The following ADARB2 variants were observed in gnomAD, a reference collection of about 807,000 sequenced individuals.
ADARB2 encodes the protein adenosine deaminase RNA specific B2 (inactive), also known as inactive double-stranded RNA-specific editase B2.
Under a neutral mutation model 62.2 loss-of-function variants are expected in ADARB2, and 25 were observed. The ratio of observed to expected loss-of-function variants is 0.40; its 90% CI spans 0.29 to 0.56. The LOEUF is 0.56. Ranked by LOEUF, ADARB2 falls within the 20% of genes least tolerant of loss-of-function variation. The pLI is 0.43. For missense variants in ADARB2, 1,071 were observed against 1,077.4 expected, an observed-to-expected ratio of 0.99 and a Z score of 0.08; for synonymous variants, 572 against 500.8, an observed-to-expected ratio of 1.14 and a Z score of -1.90.
chr10:1,289,565 C>T (rs1490376915), intron 3 of ADARB2, among the ~76,000 whole-genome samples: 4 of 152,274 alleles, frequency 2.6e-5, no homozygotes, highest in Non-Finnish European at 5.9e-5. Context: ...GACCAGGGTG[C>T]TCCTGACGGG....
intron 1 of ADARB2, among the ~76,000 whole-genome samples, chr10:1,537,818 G>T (rs1226548951): frequency 6.6e-6 from 1 of 152,060 alleles, no homozygotes; most frequent in Non-Finnish European, 1.5e-5. Context: ...GTCAGGGGGT[G>T]AGGGGTGAGG....
At chr10:1,720,442 C>T (rs534466691) in intron 1 of ADARB2, among the ~76,000 whole-genome samples, 1 of 152,270 alleles carries the variant, frequency 6.6e-6, no homozygotes, top group East Asian at 1.9e-4. Flanking sequence ...CTGAGAAGAT[C>T]CTATACCAAA....
rs139794107 is a variant in ADARB2, at chr10:1,481,349, C to T, written c.101-102189G>A. 2.0e-3 allele frequency among the ~76,000 whole-genome samples: 309 copies of T among 152,232 alleles called. 3 individuals carry two copies. The highest frequency in any genetic ancestry group is 3.7e-3 in the Non-Finnish European group (250 of 68,018). On this transcript the variant is annotated intron_variant, in intron 1 of 9. Coordinates refer to ENST00000381312, the MANE Select transcript of ADARB2 (RefSeq NM_018702.4). ...ATATATGACCTAAAACTATAGAACTCGTAGAAAAGCTCATCAGGGAAAAGC... is the reference window on the plus strand; with the variant it reads ...ATATATGACCTAAAACTATAGAACTTGTAGAAAAGCTCATCAGGGAAAAGC...
chr10:1,516,306 G>A (rs947911897), intron 1 of ADARB2, among the ~76,000 whole-genome samples: 1 of 152,232 alleles, frequency 6.6e-6, no homozygotes, highest in Non-Finnish European at 1.5e-5. Context: ...CGGCAGGTGA[G>A]CTCTGACAGG....
intron 5 of ADARB2, among the ~76,000 whole-genome samples, chr10:1,235,086 G>A (rs1040794055): frequency 6.6e-6 from 1 of 152,002 alleles, no homozygotes; most frequent in Admixed American, 6.6e-5. Context: ...TCCCACTGCT[G>A]TTCGCCCACA....
intron 3 of ADARB2, among the ~76,000 whole-genome samples, chr10:1,352,066 C>G (rs1024454259): frequency 1.1e-4 from 16 of 151,920 alleles, no homozygotes; most frequent in Non-Finnish European, 1.9e-4. Flanking sequence ...ACCCATCAGG[C>G]TCAGCAAATT....
chr10:1,247,929 A>T (rs1205860964), intron 4 of ADARB2, among the ~76,000 whole-genome samples: 1 of 152,168 alleles, frequency 6.6e-6, no homozygotes, highest in Non-Finnish European at 1.5e-5. Context: ...CTGGTTCCCC[A>T]CATGGAGATC....
At chr10:1,317,483 T>G (rs1173608602) in intron 3 of ADARB2, among the ~76,000 whole-genome samples, 1 of 152,202 alleles carries the variant, frequency 6.6e-6, no homozygotes, top group Non-Finnish European at 1.5e-5. Context: ...GGGAAATTAT[T>G]AAACATTTAA....
chr10:1,396,611 CTCCTCTCCCCTCCCGA>C (rs1832616439), intron 1 of ADARB2, among the ~76,000 whole-genome samples: 2 of 148,410 alleles, frequency 1.3e-5, no homozygotes. Flanking sequence ...GGTCACCGTC[CTCCTCTCCCCTCCCGA>C]GTGCAGGCTT....
chr10:1,184,571 G>A (rs745413290), intron 9 of ADARB2, among the ~76,000 whole-genome samples: 50 of 152,218 alleles, frequency 3.3e-4, no homozygotes, highest in Non-Finnish European at 4.4e-4. Flanking sequence ...GGGACACCCC[G>A]AACAAAGCAG....
intron 1 of ADARB2, among the ~76,000 whole-genome samples, chr10:1,638,389 A>G (rs1199673245): frequency 6.6e-6 from 1 of 152,248 alleles, no homozygotes; most frequent in Non-Finnish European, 1.5e-5. Context: ...CTTAGCATTA[A>G]TACAGAAATG....
chr10:1,533,056 T>C (rs1832270525), intron 1 of ADARB2, among the ~76,000 whole-genome samples: 1 of 151,762 alleles, frequency 6.6e-6, no homozygotes, highest in Non-Finnish European at 1.5e-5. Context: ...TCTCATTAGA[T>C]GTTCCTACTG....
At chr10:1,421,118 T>C (rs1187711962) in intron 1 of ADARB2, among the ~76,000 whole-genome samples, 1 of 151,982 alleles carries the variant, frequency 6.6e-6, no homozygotes, top group Non-Finnish European at 1.5e-5. Context: ...GTCCCCAGGA[T>C]GGTGGGGGCA....
intron 1 of ADARB2, among the ~76,000 whole-genome samples, chr10:1,425,876 C>T (rs1232452151): frequency 1.3e-5 from 2 of 152,190 alleles, no homozygotes; most frequent in East Asian, 3.8e-4. Flanking sequence ...CTCACGAAAG[C>T]CACAGCCTTC....
intron 1 of ADARB2, among the ~76,000 whole-genome samples, chr10:1,719,814 G>A (rs916256371): frequency 1.3e-5 from 2 of 152,238 alleles, no homozygotes. Context: ...CTAATCATTA[G>A]AGAAATGCAA....
intron 1 of ADARB2, among the ~76,000 whole-genome samples, chr10:1,610,296 T>C (rs1015912264): frequency 9.9e-5 from 15 of 152,216 alleles, no homozygotes; most frequent in African/African-American, 3.6e-4. Flanking sequence ...CCAGGTGCAG[T>C]CTCAACGATA....
intron 3 of ADARB2, among the ~76,000 whole-genome samples, chr10:1,330,976 C>T (rs1160573312): frequency 6.6e-6 from 1 of 152,174 alleles, no homozygotes; most frequent in East Asian, 1.9e-4. Flanking sequence ...GATTAGAATA[C>T]ATATTTCTCC....
chr10:1,650,302 G>A (rs1402046117), intron 1 of ADARB2, among the ~76,000 whole-genome samples: 1 of 152,214 alleles, frequency 6.6e-6, no homozygotes, highest in Non-Finnish European at 1.5e-5. Flanking sequence ...TTAAAGGAGA[G>A]GAAAATTCTG....
chr10:1,322,658 C>T (rs2133970), intron 3 of ADARB2, among the ~76,000 whole-genome samples: 75,009 of 151,904 alleles, frequency 0.49, 20,375 homozygotes, highest in African/African-American at 0.74. Flanking sequence ...ATAAGAGCCA[C>T]TGGCACATCA....
Sources: allele counts gnomAD v4.1 joint callset (sites outside exome capture counted in the v4.1 genomes callset), GRCh38; gene constraint gnomAD v4.1.1; transcripts MANE v1.5; gene names NCBI Gene and HGNC (gene_info 2026-07-23, HGNC 2026-07-21).